The following MADD variants were observed in gnomAD, a reference collection of about 807,000 sequenced individuals.
MADD encodes MAP kinase activating death domain.
Under a neutral mutation model 176.7 loss-of-function variants are expected in MADD, and 109 were observed. The observed-to-expected ratio is 0.62, with a 90% CI of 0.53 to 0.72. The LOEUF is 0.72. Among genes scored for constraint, MADD ranks in the 30% least tolerant of loss-of-function variants. The pLI is 0.00. For synonymous variants in MADD, 771 were observed against 771.3 expected, an observed-to-expected ratio of 1.00 and a Z score of 0.01; for missense variants, 1,914 against 2,045.5, an observed-to-expected ratio of 0.94 and a Z score of 1.24.
chr11:47,290,589 C>T (rs201218371), intron 18 of MADD, 21 bp from the exon 20 acceptor site: 2 of 1,607,480 alleles, frequency 1.2e-6, no homozygotes, highest in Non-Finnish European at 1.7e-6. Context: ...TTCTCTTGAC[C>T]TCTTGATATT....
chr11:47,300,817 A>G (rs769430154), intron 22 of MADD, among the ~76,000 whole-genome samples: 11 of 152,092 alleles, frequency 7.2e-5, no homozygotes, highest in Admixed American at 2.6e-4. Context: ...TTTTTATTAC[A>G]GATTCAATCT....
At chr11:47,282,248 G>A (rs2057483220) in intron 8 of MADD, 133 bp from the exon 9 acceptor site, 1 of 665,858 alleles carries the variant, frequency 1.5e-6, no homozygotes, top group Non-Finnish European at 2.6e-6. Flanking sequence ...GGGGGCTGAT[G>A]ATTCTTTAAG....
exon 17 of MADD, chr11:47,290,023 C>T (rs146069906): frequency 5.5e-5 from 88 of 1,614,002 alleles, no homozygotes; most frequent in South Asian, 1.1e-4. Context: ...AGTCAGAGGA[C>T]GATGCCCGGC....
intron 31 of MADD, 68 bp from the exon 36 acceptor site, chr11:47,328,589 TG>T: frequency 6.2e-7 from 1 of 1,609,060 alleles, no homozygotes; most frequent in Non-Finnish European, 8.5e-7. Flanking sequence ...CGCTGCCGCC[TG>T]GGGGAGCATG....
chr11:47,276,846 A>G (rs777545887), exon 5 of MADD: 7 of 1,614,058 alleles, frequency 4.3e-6, no homozygotes, highest in Admixed American at 1.7e-5. Flanking sequence ...ACCCACCTGC[A>G]TGGCATCAGC....
intron 20 of MADD, among the ~76,000 whole-genome samples, chr11:47,294,289 G>A (rs1215238885): frequency 1.3e-5 from 2 of 151,390 alleles, no homozygotes; most frequent in African/African-American, 4.9e-5. Flanking sequence ...CGGAGGTTGT[G>A]GTGAGCCGAG....
chr11:47,285,681 T>G (rs2060090901), intron 14 of MADD, 91 bp downstream of exon 14: 3 of 1,566,016 alleles, frequency 1.9e-6, no homozygotes, highest in Non-Finnish European at 1.7e-6. Context: ...GAACTTCACA[T>G]GTAGGGCTAG....
chr11:47,309,342 T>C (rs2085982483), exon 24 of MADD: 7 of 1,614,144 alleles, frequency 4.3e-6, no homozygotes, highest in Non-Finnish European at 5.9e-6. Flanking sequence ...TCTTAGATGC[T>C]GTGATGTTGG....
At chr11:47,286,596 T>G in intron 15 of MADD, 62 bp downstream of exon 15, 2 of 1,290,884 alleles carry the variant, frequency 1.5e-6, no homozygotes, top group South Asian at 1.2e-5. Context: ...GGCTGTGGGT[T>G]CATGTCAGGA....
intron 27 of MADD, among the ~76,000 whole-genome samples, chr11:47,320,283 TGCC>T (rs2094208792): frequency 6.6e-6 from 1 of 151,396 alleles, no homozygotes; most frequent in East Asian, 2.0e-4. Context: ...GGTGAAACCC[TGCC>T]TCTACTAAAA....
At chr11:47,294,073 G>T in intron 20 of MADD, 90 bp downstream of exon 22, 1 of 1,068,616 alleles carries the variant, frequency 9.4e-7, no homozygotes, top group East Asian at 2.6e-5. Flanking sequence ...CAGACAGCCG[G>T]GCACAGTGGC....
In MADD at chr11:47,290,146, C is replaced by T. The variant is rs1178369027; in HGVS notation, c.2944-3C>T. On this transcript the variant is annotated splice_polypyrimidine_tract_variant and splice_region_variant and intron_variant, in intron 17 of 32. Coordinates refer to ENST00000402192, the Ensembl canonical transcript of MADD. ...AACGCTAGCCCCTGGGTTATTGTTG[C>T]AGGAGATCAGTCGGAAGGTGTACAA... is the stretch of plus-strand genomic sequence containing the variant. The T allele has an allele frequency of 1.9e-6, 3 of 1,613,852 alleles. No individual in the cohort carries two copies. The Admixed American group carries it at 5.0e-5, about 27-fold the overall frequency.
Position 47,273,977 on chromosome 11 carries a change from G to A in MADD, c.62+1G>A. 1.2e-6 allele frequency: 2 copies of A among 1,613,866 alleles called. No homozygotes were observed. Among genetic ancestry groups the A allele is most frequent in the Non-Finnish European group, 1.7e-6 (2 of 1,179,822 alleles). ...ACTATCTAGTGATCGTAGGGGCCAG[G>A]TAACCAAGAAGAGATTGACTTTTGT... is the stretch of plus-strand genomic sequence containing the variant. On this transcript the variant is annotated splice_donor_variant, in intron 2 of 32. Coordinates refer to ENST00000402192, the Ensembl canonical transcript of MADD. LOFTEE classifies it high-confidence loss of function.
chr11:47,284,416 G>C, exon 12 of MADD: 3 of 1,614,168 alleles, frequency 1.9e-6, no homozygotes, highest in Non-Finnish European at 2.5e-6. Context: ...GGATGCCAGC[G>C]AGGTGGAGAT....
Position 47,327,092 on chromosome 11 carries a change from G to A in MADD, c.4612+285G>A, listed in dbSNP as rs1013417793. On this transcript the variant is annotated intron_variant, in intron 31 of 32. Coordinates refer to ENST00000402192, the Ensembl canonical transcript of MADD. ...AAGTAGCACCACCTCCCCGTGCTGG[G>A]CCAGCCAGTGGTCAGAAAGTTTGGG... 5 of 1,144,666 alleles carry A rather than the reference G, an allele frequency of 4.4e-6. No homozygotes were observed. In the African/African-American group the frequency reaches 4.7e-5, roughly 11 times the overall value. The allele number at this position is 1,144,666 out of a possible 1,614,324, so 70.9% of individuals were successfully genotyped here. A position where few individuals can be genotyped will look rare whatever the true frequency, so the allele number is the denominator to read the frequency against.
rs989643060 is a variant in MADD, at chr11:47,276,979, T to G, written c.1095+116T>G. ...CCTCAATCCTTTGTCATAACTTATT[T>G]GTCTACAAAATCTGACTGATTTGAA... On this transcript the variant is annotated intron_variant, in intron 5 of 32. Coordinates refer to ENST00000402192, the Ensembl canonical transcript of MADD. The G allele has an allele frequency of 3.1e-6, 4 of 1,279,946 alleles. No homozygotes were observed. The East Asian group carries it at 7.4e-5, about 24-fold the overall frequency. The allele number at this position is 1,279,946 out of a possible 1,614,324, so 79.3% of individuals were successfully genotyped here.
chr11:47,285,338 G>A, intron 13 of MADD, 113 bp from the exon 14 acceptor site: 2 of 1,557,056 alleles, frequency 1.3e-6, no homozygotes, highest in Non-Finnish European at 1.7e-6. Context: ...CTGATCCAGG[G>A]GCTTAGGAAT....
At chr11:47,308,809 A>ACATTAGATAG (rs1159758579) in intron 23 of MADD, 110 bp downstream of exon 25, 2 of 1,041,022 alleles carry the variant, frequency 1.9e-6, no homozygotes, top group Non-Finnish European at 2.9e-6. Context: ...CTTAATGCTA[A>ACATTAGATAG]CATTAGATAG....
rs1391511288 is a variant in MADD, at chr11:47,324,212, T to TGG, written c.4363-50_4363-49dup. 1.9e-6 allele frequency: 3 copies of TGG among 1,539,360 alleles called. No homozygotes were observed. The Admixed American group carries it at 5.1e-5, about 26-fold the overall frequency. On this transcript the variant is annotated intron_variant, in intron 28 of 32. Transcript: ENST00000402192. The stretch of plus-strand genomic sequence containing the variant: ...TCAGTGGCCATTATAGAGCAGTGGG[T>TGG]GGGGAACCCTGGACAGCCCTCATGA...
Sources: gnomAD v4.1 joint callset for allele counts (sites outside exome capture counted in the v4.1 genomes callset) on GRCh38, gnomAD v4.1.1 for gene constraint, MANE v1.5 for transcripts, NCBI Gene and HGNC (gene_info 2026-07-23, HGNC 2026-07-21) for gene names.